The following MAK variants were observed in gnomAD, a reference collection of about 807,000 sequenced individuals.
The protein encoded by MAK is serine/threonine-protein kinase MAK.
A neutral mutation model predicts 82.6 loss-of-function variants in MAK; 65 were observed. The observed-to-expected ratio is 0.79, with a 90% CI of 0.64 to 0.97. MAK has a LOEUF of 0.97. Among genes scored for constraint, MAK ranks in the 50% least tolerant of loss-of-function variants. The pLI is 0.00. For synonymous variants in MAK, 250 were observed against 274.2 expected (o/e 0.91, Z 0.87); for missense variants, 703 against 780.2 (o/e 0.90, Z 1.18).
At chr6:10,796,456 G>A in intron 8 of MAK, 147 bp from the exon 9 acceptor site, 3 of 658,556 alleles carry the variant, frequency 4.6e-6, no homozygotes, top group Admixed American at 5.6e-5. Context: ...TCCCTATACA[G>A]TGCCTCTTTT....
In MAK at chr6:10,791,862, C is replaced by T. The variant is rs1265765979; in HGVS notation, c.1144-15G>A. 1 of 1,614,016 alleles carries T rather than the reference C, an allele frequency of 6.2e-7. No homozygotes were observed. Among genetic ancestry groups the T allele is most frequent in the East Asian group, 2.2e-5 (1 of 44,886 alleles). ...CCATTTGGCTTCTGTGGTGGAAAATCAGTCATCATAATCTTTAATCATGTA... is the reference window on the plus strand; with the variant it reads ...CCATTTGGCTTCTGTGGTGGAAAATTAGTCATCATAATCTTTAATCATGTA... On this transcript the variant is annotated splice_polypyrimidine_tract_variant and intron_variant, in intron 9 of 14. Coordinates refer to ENST00000354489, the MANE Select transcript of MAK (RefSeq NM_001242957.3).
intron 1 of MAK, among the ~76,000 whole-genome samples, chr6:10,837,836 A>T (rs976208168): frequency 1.3e-5 from 2 of 152,182 alleles, no homozygotes; most frequent in Non-Finnish European, 2.9e-5. Flanking sequence ...CCGACTCTGC[A>T]AACCAGGGCT....
At chr6:10,820,851 A>T (rs1777891274) in intron 2 of MAK, among the ~76,000 whole-genome samples, 1 of 152,282 alleles carries the variant, frequency 6.6e-6, no homozygotes. Context: ...TTAAAATAAA[A>T]CAGAAGCCAA....
rs1298516745 is a variant in MAK at position 10,800,781 on chromosome 6, G to A, written c.831+1111C>T. Reference sequence around the variant, plus strand: ...CTTGAACCCAGGAGGCAGAGGTTGCGGTGAGCCGAGATCATGCCATTGCAC... The same window carrying A: ...CTTGAACCCAGGAGGCAGAGGTTGCAGTGAGCCGAGATCATGCCATTGCAC... On this transcript the variant is annotated intron_variant, in intron 8 of 14. Transcript: ENST00000354489. This position sits in a 1 kb window ranked among gnomAD's most constrained non-coding sequence, Gnocchi z 4.2. Among the ~76,000 whole-genome samples, 4 of 151,752 alleles carry A rather than the reference G, an allele frequency of 2.6e-5. No individual in the cohort carries two copies. The highest frequency in any genetic ancestry group is 3.9e-4 in the East Asian group (2 of 5,152).
chr6:10,774,703 T>C (rs483475), intron 12 of MAK, among the ~76,000 whole-genome samples: 119,985 of 152,242 alleles, frequency 0.79, 47,465 homozygotes, highest in East Asian at 0.87. Context: ...TTAAGACTCC[T>C]TGACTTTAAA....
intron 8 of MAK, among the ~76,000 whole-genome samples, chr6:10,801,153 A>ACTTGTCTGTC (rs1775988045): frequency 1.3e-5 from 2 of 152,290 alleles, no homozygotes; most frequent in Non-Finnish European, 2.9e-5. Flanking sequence ...TTGTTTTAAC[A>ACTTGTCTGTC]TATCTTGACT....
chr6:10,792,378 G>T (rs1775164237), intron 9 of MAK, among the ~76,000 whole-genome samples: 1 of 152,208 alleles, frequency 6.6e-6, no homozygotes, highest in Non-Finnish European at 1.5e-5. Flanking sequence ...TGCCTCCTCT[G>T]CAAGCTTCAT....
chr6:10,777,646 C>G (rs1046129571), intron 11 of MAK, among the ~76,000 whole-genome samples: 3 of 151,696 alleles, frequency 2.0e-5, no homozygotes, highest in Non-Finnish European at 4.4e-5. Flanking sequence ...GTTTTGTTTT[C>G]TTTTGTTTTG....
In MAK at chr6:10,800,706, G is replaced by A. The variant is rs531751215; in HGVS notation, c.831+1186C>T. ...AATACAAAATTAGCCAGGCGTGGTG[G>A]CTCATGCCTGTAATCTCAGCTACTC... is the stretch of plus-strand genomic sequence containing the variant. On this transcript the variant is annotated intron_variant, in intron 8 of 14. Coordinates refer to ENST00000354489, the MANE Select transcript of MAK (RefSeq NM_001242957.3). The surrounding 1 kb of genome is among the most constrained non-coding windows in gnomAD (Gnocchi z 4.2). Among the ~76,000 whole-genome samples the A allele has an allele frequency of 2.0e-5, 3 of 152,214 alleles. No homozygotes were observed. In the East Asian group the frequency reaches 5.8e-4, roughly 29 times the overall value.
At chr6:10,819,490 G>A (rs1416833133) in intron 2 of MAK, among the ~76,000 whole-genome samples, 1 of 152,112 alleles carries the variant, frequency 6.6e-6, no homozygotes, top group Non-Finnish European at 1.5e-5. Flanking sequence ...CAATTAGCTG[G>A]GCGTGGTGGC....
chr6:10,784,602 G>A (rs1193279971), intron 10 of MAK, 30 bp from the exon 11 acceptor site: 16 of 1,499,546 alleles, frequency 1.1e-5, no homozygotes, highest in Non-Finnish European at 1.4e-5. Context: ...TAGCATTACA[G>A]CACGAACAAC....
At chr6:10,826,251 C>T (rs1007528254) in intron 2 of MAK, among the ~76,000 whole-genome samples, 1 of 151,470 alleles carries the variant, frequency 6.6e-6, no homozygotes, top group African/African-American at 2.4e-5. Context: ...CCCACCCCCC[C>T]TTTTAAAAAA....
At chr6:10,780,922 A>G (rs1435001857) in intron 11 of MAK, among the ~76,000 whole-genome samples, 1 of 152,104 alleles carries the variant, frequency 6.6e-6, no homozygotes, top group Non-Finnish European at 1.5e-5. Flanking sequence ...AAATTTACAC[A>G]CAGGTGTCTA....
Position 10,801,318 on chromosome 6 carries a change from C to G in MAK, c.831+574G>C, listed in dbSNP as rs543698806. 5.9e-5 allele frequency among the ~76,000 whole-genome samples: 9 copies of G among 152,238 alleles called. No homozygotes were observed. The South Asian group carries it at 1.9e-3, about 32-fold the overall frequency. ...GTTTATTATTGCCTTTTTATTGAAG[C>G]CTTGCAGACAAAAACACTGGGTTTA... On this transcript the variant is annotated intron_variant, in intron 8 of 14. Coordinates refer to ENST00000354489, the MANE Select transcript of MAK (RefSeq NM_001242957.3).
At chr6:10,789,235 T>A (rs1349386092) in intron 10 of MAK, among the ~76,000 whole-genome samples, 4 of 152,024 alleles carry the variant, frequency 2.6e-5, no homozygotes, top group Admixed American at 2.6e-4. Flanking sequence ...AGTGAAGACT[T>A]CCATACTATA....
intron 10 of MAK, among the ~76,000 whole-genome samples, chr6:10,789,162 G>GAA (rs58231573): frequency 0.023 from 1,854 of 80,006 alleles, 38 homozygotes; most frequent in African/African-American, 0.076. Flanking sequence ...AAGCAAAAAA[G>GAA]AAAAAAAAAA....
chr6:10,824,102 T>C (rs1778171268), intron 2 of MAK, among the ~76,000 whole-genome samples: 1 of 152,192 alleles, frequency 6.6e-6, no homozygotes, highest in Non-Finnish European at 1.5e-5. Flanking sequence ...AAAGCCTGCT[T>C]GTATGACTCT....
chr6:10,811,240 C>A (rs1776908933), intron 5 of MAK, among the ~76,000 whole-genome samples: 1 of 152,256 alleles, frequency 6.6e-6, no homozygotes, highest in Admixed American at 6.5e-5. Context: ...CTCAAGTGAT[C>A]CGCCTGCCTT....
chr6:10,800,126 C>T lies in MAK; in HGVS notation c.831+1766G>A, dbSNP rs1168674460. Among the ~76,000 whole-genome samples the T allele has an allele frequency of 6.6e-6, 1 of 151,070 alleles. No individual in the cohort carries two copies. Among genetic ancestry groups the T allele is most frequent in the Non-Finnish European group, 1.5e-5 (1 of 67,816 alleles). On this transcript the variant is annotated intron_variant, in intron 8 of 14. Coordinates refer to ENST00000354489, the MANE Select transcript of MAK (RefSeq NM_001242957.3). This position sits in a 1 kb window ranked among gnomAD's most constrained non-coding sequence, Gnocchi z 4.2. ...TACAAAAATACAAAAATAAGCCAAGCGTGGTGGCGGGCACCTGCAATCCCA... is the reference window on the plus strand; with the variant it reads ...TACAAAAATACAAAAATAAGCCAAGTGTGGTGGCGGGCACCTGCAATCCCA...
Sources: gnomAD v4.1 joint callset for allele counts (sites outside exome capture counted in the v4.1 genomes callset) on GRCh38, gnomAD v4.1.1 for gene constraint, Gnocchi (gnomAD v3.1) non-coding constraint, MANE v1.5 for transcripts, NCBI Gene and HGNC (gene_info 2026-07-23, HGNC 2026-07-21) for gene names.